GALNS: variants seen among roughly 807,000 people sequenced by gnomAD.
The protein encoded by GALNS is galactosamine (N-acetyl)-6-sulfatase.
GALNS carries 65 observed loss-of-function variants against 65.9 expected under a neutral mutation model. That is an observed-to-expected ratio of 0.99 (90% CI 0.81 to 1.21). The LOEUF is 1.21. Among genes scored for constraint, GALNS ranks in the 50% most tolerant of loss-of-function variants. The pLI is 0.00. For missense variants in GALNS, 776 were observed against 700.7 expected, an observed-to-expected ratio of 1.11 and a Z score of -1.21; for synonymous variants, 346 against 288.9, an observed-to-expected ratio of 1.20 and a Z score of -2.00.
chr16:88,835,914 C>A (rs1035528640), intron 6 of GALNS, 65 bp from the exon 7 acceptor site: 2 of 1,610,550 alleles, frequency 1.2e-6, no homozygotes, highest in Non-Finnish European at 1.7e-6. Flanking sequence ...TCCCACGGTC[C>A]CCGTCCCCAC....
At chr16:88,826,488 G>C (rs899301881) in intron 10 of GALNS, among the ~76,000 whole-genome samples, 9 of 152,090 alleles carry the variant, frequency 5.9e-5, no homozygotes, top group Admixed American at 2.0e-4. Flanking sequence ...CCAGGGCCTC[G>C]CTGTGCTTGG....
chr16:88,830,743 G>A (rs117742652), intron 9 of GALNS, among the ~76,000 whole-genome samples: 6,617 of 152,256 alleles, frequency 0.043, 171 homozygotes, highest in South Asian at 0.086. Context: ...ATGGCAGGGC[G>A]CACCCTCGCC....
intron 10 of GALNS, 151 bp from the exon 11 acceptor site, chr16:88,825,020 C>T: frequency 1.5e-6 from 1 of 676,278 alleles, no homozygotes; most frequent in South Asian, 1.7e-5. Flanking sequence ...GTAAAAAGGC[C>T]CGCAAGGTGG....
At chr16:88,816,018 G>A (rs879460235) in intron 13 of GALNS, 2 of 985,406 alleles carry the variant, frequency 2.0e-6, no homozygotes, top group Non-Finnish European at 2.4e-6. Flanking sequence ...GGTAAGGAGG[G>A]CCCCCAGGCT....
At chr16:88,824,141 G>C (rs1411592596) in intron 11 of GALNS, among the ~76,000 whole-genome samples, 1 of 152,164 alleles carries the variant, frequency 6.6e-6, no homozygotes, top group African/African-American at 2.4e-5. Flanking sequence ...TCAAGACTTT[G>C]ATGCTGGGAG....
chr16:88,852,269 C>T (rs1319661850), intron 1 of GALNS, among the ~76,000 whole-genome samples: 2 of 152,304 alleles, frequency 1.3e-5, no homozygotes, highest in East Asian at 3.9e-4. Context: ...CAGCAAACTC[C>T]AACAGACCTG....
At chr16:88,834,927 G>A (rs1400013027) in intron 8 of GALNS, among the ~76,000 whole-genome samples, 4 of 152,156 alleles carry the variant, frequency 2.6e-5, no homozygotes, top group South Asian at 2.1e-4. Context: ...CAAAGCCTCC[G>A]GCCTCCGGGG....
chr16:88,818,469 A>T (rs964717467), intron 12 of GALNS, among the ~76,000 whole-genome samples: 9 of 152,218 alleles, frequency 5.9e-5, no homozygotes, highest in Non-Finnish European at 1.0e-4. Flanking sequence ...CCCAGCACTC[A>T]CTACTACGTA....
At chr16:88,826,354 G>A (rs1198099689) in intron 10 of GALNS, among the ~76,000 whole-genome samples, 2 of 150,100 alleles carry the variant, frequency 1.3e-5, no homozygotes, top group Non-Finnish European at 3.0e-5. Flanking sequence ...GGACAGGGGT[G>A]GCGTGTGTCT....
chr16:88,815,049 T>C (rs1482583342), intron 13 of GALNS: 14 of 969,244 alleles, frequency 1.4e-5, no homozygotes, highest in Non-Finnish European at 1.7e-5. Context: ...AGTTTTGATG[T>C]GTCCCCTGCC....
chr16:88,818,678 C>T (rs919596689), intron 12 of GALNS, among the ~76,000 whole-genome samples: 4 of 152,224 alleles, frequency 2.6e-5, no homozygotes, highest in African/African-American at 7.2e-5. Flanking sequence ...ATGTCAGGGC[C>T]GCAGTTTGCG....
rs759810674 is a variant in GALNS at position 88,856,794 on chromosome 16, C to G, written c.84G>C (p.Pro28=). 1.9e-6 allele frequency: 3 copies of G among 1,540,682 alleles called. No individual in the cohort carries two copies. Among genetic ancestry groups the G allele is most frequent in the African/African-American group, 1.4e-5 (1 of 70,800 alleles). The change falls in exon 1 of 14, where the codon CCG becomes CCC. Residue 28 remains proline, a synonymous_variant. Coordinates refer to ENST00000268695, the MANE Select transcript of GALNS (RefSeq NM_000512.5). ...GCAGGAGCAGGATGTTGGGGGGCTG[C>G]GGGGCGCCCGAGGCCCCCATCCCCG... ...SAAGMGASGA[P]QPPNILLLLM...
At chr16:88,832,151 C>T (rs7191220) in intron 8 of GALNS, 50 bp from the exon 9 acceptor site, 14 of 1,421,022 alleles carry the variant, frequency 9.9e-6, no homozygotes, top group Middle Eastern at 1.8e-4. Context: ...TGTCCCCAGG[C>T]CCTCCCCCTC....
At chr16:88,834,765 T>C (rs1044929479) in intron 8 of GALNS, among the ~76,000 whole-genome samples, 1 of 151,980 alleles carries the variant, frequency 6.6e-6, no homozygotes, top group Non-Finnish European at 1.5e-5. Context: ...AGGGCTGTGG[T>C]GGGGGCAGGA....
chr16:88,848,759 G>C (rs1967370525), intron 1 of GALNS, among the ~76,000 whole-genome samples: 1 of 152,056 alleles, frequency 6.6e-6, no homozygotes, highest in Non-Finnish European at 1.5e-5. Flanking sequence ...CTCACCGGGG[G>C]CGGGGGTGGC....
At chr16:88,849,002 C>T (rs1442655458) in intron 1 of GALNS, among the ~76,000 whole-genome samples, 1 of 152,224 alleles carries the variant, frequency 6.6e-6, no homozygotes, top group Admixed American at 6.5e-5. Context: ...CTCAGCCCCT[C>T]CTAACGTGTG....
rs118204441 is a variant in GALNS at position 88,841,936 on chromosome 16, G to A, written c.280C>T (p.Arg94Cys). Residue 94 changes from arginine (R) to cysteine (C), a missense_variant, in exon 3 of 14, where the codon CGC becomes TGC. By Grantham distance (180) the Arg-to-Cys change is radical. Transcript: ENST00000268695. The part of the protein sequence containing the change: ...AALLTGRLPI[R>C]NGFYTTNAHA... ...GCGTTGGTGGTGTAGAAGCCATTGC[G>A]GATGGGTAGCCGTCCTGTGAGCAGT... The A allele has an allele frequency of 1.5e-5, 25 of 1,613,480 alleles. No homozygotes were observed. The highest frequency in any genetic ancestry group is 1.9e-5 in the Non-Finnish European group (23 of 1,179,824).
At chr16:88,835,484 C>T in intron 7 of GALNS, 132 bp from the exon 8 acceptor site, 1 of 1,334,566 alleles carries the variant, frequency 7.5e-7, no homozygotes. Flanking sequence ...AACTGGCCGG[C>T]CTCTTCCCAG....
At chr16:88,817,256 ACG>A (rs1909727767) in intron 13 of GALNS, 2 of 933,332 alleles carry the variant, frequency 2.1e-6, no homozygotes, top group African/African-American at 1.9e-5. Flanking sequence ...CAAGACGACG[ACG>A]CATCCTTTGT....
Sources: gnomAD v4.1 joint callset for allele counts (sites outside exome capture counted in the v4.1 genomes callset) on GRCh38, gnomAD v4.1.1 for gene constraint, MANE v1.5 for transcripts, NCBI Gene and HGNC (gene_info 2026-07-23, HGNC 2026-07-21) for gene names.